The following CDHR5 variants were observed in gnomAD, a reference collection of about 807,000 sequenced individuals.
CDHR5 encodes the protein cadherin-related family member 5.
A neutral mutation model predicts 69.5 loss-of-function variants in CDHR5; 82 were observed. The ratio of observed to expected loss-of-function variants is 1.18; its 90% CI spans 0.99 to 1.42. CDHR5 has a LOEUF of 1.42. CDHR5 is among the 40% of genes most tolerant of loss of function. The pLI, the probability that CDHR5 is intolerant of heterozygous loss-of-function variation, is 0.00. For synonymous variants in CDHR5, 601 were observed against 510.2 expected (o/e 1.18, Z -2.40); for missense variants, 1,293 against 1,168.9 (o/e 1.11, Z -1.55).
chr11:617,604 G>A lies in CDHR5; in HGVS notation c.2285C>T (p.Pro762Leu). The A allele has an allele frequency of 6.2e-7, 1 of 1,603,444 alleles. No homozygotes were observed. The highest frequency in any genetic ancestry group is 8.5e-7 in the Non-Finnish European group (1 of 1,175,354). Reference protein sequence around the residue: ...PASPGGAPEPPAAARAGGSPT... With the variant: ...PASPGGAPEPLAAARAGGSPT... ...GCTTCCGCCAGCTCGGGCCGCTGCG[G>A]GGGGCTCAGGGGCACCGCCTGGGGA... Residue 762 changes from proline (P) to leucine (L), a missense_variant, in exon 15 of 15, where the codon CCC becomes CTC. By Grantham distance (98) the Pro-to-Leu change is moderately conservative. Coordinates refer to ENST00000397542, the MANE Select transcript of CDHR5 (RefSeq NM_021924.5).
intron 3 of CDHR5, among the ~76,000 whole-genome samples, chr11:623,369 G>A (rs1203213987): frequency 6.6e-6 from 1 of 152,214 alleles, no homozygotes; most frequent in Non-Finnish European, 1.5e-5. Flanking sequence ...ACGTGCCGTG[G>A]TGCATGGAGG....
At chr11:620,591 A>C (rs1349788815) in intron 7 of CDHR5, among the ~76,000 whole-genome samples, 1 of 152,166 alleles carries the variant, frequency 6.6e-6, no homozygotes, top group African/African-American at 2.4e-5. Context: ...CTAATGAATG[A>C]GTCCAGTGGC....
In CDHR5 at chr11:621,399, G is replaced by T; in HGVS notation, c.564C>A (p.Asp188Glu). The change falls in exon 6 of 15, where the codon GAC becomes GAA. Residue 188 changes from aspartate to glutamate, a missense_variant. Coordinates refer to ENST00000397542, the MANE Select transcript of CDHR5 (RefSeq NM_021924.5). This position sits in a 1 kb window ranked among gnomAD's most constrained non-coding sequence, Gnocchi z 4.4. Reference sequence around the variant, plus strand: ...GCCGCTCGTAGAAGTCCAGGGGCCGGTCCAGCCTCAGGGCGGGACGGTTTA... The same window carrying T: ...GCCGCTCGTAGAAGTCCAGGGGCCGTTCCAGCCTCAGGGCGGGACGGTTTA... ...VSVNRPALRL[D>E]RPLDFYERPN... 6.2e-7 allele frequency: 1 copy of T among 1,612,968 alleles called. No individual in the cohort carries two copies. Among genetic ancestry groups the T allele is most frequent in the Non-Finnish European group, 8.5e-7 (1 of 1,179,982 alleles).
At chr11:620,189 G>T in intron 8 of CDHR5, 25 bp from the exon 9 acceptor site, 2 of 1,605,026 alleles carry the variant, frequency 1.2e-6, no homozygotes, top group Non-Finnish European at 1.7e-6. Flanking sequence ...GAAGTGCTCA[G>T]CCCCGGCCCC....
rs777596472 is a variant in CDHR5 at position 621,342 on chromosome 11, C to T, written c.618+3G>A. ...GGACTCGGGGCTGGGGTGACCTGCT[C>T]ACCCGCACCAGCAGCCAGAAGGTCA... On this transcript the variant is annotated splice_donor_region_variant and intron_variant, in intron 6 of 14. Coordinates refer to ENST00000397542, the MANE Select transcript of CDHR5 (RefSeq NM_021924.5). The surrounding 1 kb of genome is among the most constrained non-coding windows in gnomAD (Gnocchi z 4.4). 6 of 1,612,774 alleles carry T rather than the reference C, an allele frequency of 3.7e-6. No individual in the cohort carries two copies. Among genetic ancestry groups the T allele is most frequent in the African/African-American group, 1.3e-5 (1 of 74,938 alleles).
intron 13 of CDHR5, 95 bp from the exon 14 acceptor site, chr11:618,206 T>C: frequency 1.9e-6 from 2 of 1,075,470 alleles, no homozygotes; most frequent in Non-Finnish European, 1.4e-6. Flanking sequence ...ACACTTGGGT[T>C]CCACCCAGGC....
At chr11:622,922 A>G (rs1857504147) in intron 3 of CDHR5, among the ~76,000 whole-genome samples, 1 of 152,192 alleles carries the variant, frequency 6.6e-6, no homozygotes, top group Non-Finnish European at 1.5e-5. Flanking sequence ...CAGGGCCCAC[A>G]TTATGGACCT....
Position 621,242 on chromosome 11 carries a change from C to CTA in CDHR5, c.626_627insTA (p.Gly210ArgfsTer15). 1 of 1,599,400 alleles carries CTA rather than the reference C, an allele frequency of 6.3e-7. No individual in the cohort carries two copies. The highest frequency in any genetic ancestry group is 8.5e-7 in the Non-Finnish European group (1 of 1,171,250). ...TGTGGCTGGGTTCCACATTCTCCCC[C>CTA]GGAGTGTCCTGCAACAGACGGCTGT... On this transcript the variant is annotated frameshift_variant, in exon 7 of 15. Coordinates refer to ENST00000397542, the MANE Select transcript of CDHR5 (RefSeq NM_021924.5). LOFTEE classifies it high-confidence loss of function. This position sits in a 1 kb window ranked among gnomAD's most constrained non-coding sequence, Gnocchi z 4.4.
At position 621,960 on chromosome 11, in the gene CDHR5, CCCT is replaced by C; in HGVS notation, c.313-59_313-57del. 6.5e-6 allele frequency: 9 copies of C among 1,375,582 alleles called. No homozygotes were observed. The highest frequency in any genetic ancestry group is 9.2e-6 in the Non-Finnish European group (9 of 980,384). The allele number at this position is 1,375,582 out of a possible 1,614,324, so 85.2% of individuals were successfully genotyped here. A position where few individuals can be genotyped will look rare whatever the true frequency, so the allele number is the denominator to read the frequency against. On this transcript the variant is annotated intron_variant, in intron 3 of 14. Coordinates refer to ENST00000397542, the MANE Select transcript of CDHR5 (RefSeq NM_021924.5). The surrounding 1 kb of genome is among the most constrained non-coding windows in gnomAD (Gnocchi z 4.4). ...AGCCCCTCCCCGTTGTGAGGTGCAC[CCCT>C]CGACGGCTATCCGTCCCCACCGTGA... is the stretch of plus-strand genomic sequence containing the variant.
At chr11:622,434 T>G (rs1160964603) in intron 3 of CDHR5, among the ~76,000 whole-genome samples, 1 of 152,060 alleles carries the variant, frequency 6.6e-6, no homozygotes, top group East Asian at 1.9e-4. Flanking sequence ...TTTTTTTTTT[T>G]TTTTGGTTTT....
chr11:623,223 C>T (rs1271322973), intron 3 of CDHR5, among the ~76,000 whole-genome samples: 4 of 152,144 alleles, frequency 2.6e-5, no homozygotes, highest in East Asian at 1.9e-4. Flanking sequence ...GCAGGAGAAT[C>T]GCTTGGACCC....
Position 617,128 on chromosome 11 carries a change from G to A in CDHR5, c.*223C>T, listed in dbSNP as rs533152082. On this transcript the variant is annotated 3_prime_UTR_variant, in exon 15 of 15. Transcript: ENST00000397542. ...GTTTACGGGAAGTGCTGCAGCCTTG[G>A]GGTGGGGACAGCGTGGCCAGACCCA... The A allele has an allele frequency of 1.8e-6, 1 of 571,068 alleles. No individual in the cohort carries two copies. The highest frequency in any genetic ancestry group is 2.9e-5 in the East Asian group (1 of 34,106). 35.4% of individuals were successfully genotyped at this position (571,068 alleles called of 1,614,324 possible). A position where few individuals can be genotyped will look rare whatever the true frequency, so the allele number is the denominator to read the frequency against.
chr11:621,398 G>A lies in CDHR5; in HGVS notation c.565C>T (p.Arg189Trp), dbSNP rs141049065. Residue 189 changes from arginine to tryptophan, a missense_variant, in exon 6 of 15, where the codon CGG becomes TGG. Physicochemically the swap from Arg to Trp is moderately radical, Grantham distance 101. Transcript: ENST00000397542. The surrounding 1 kb of genome is among the most constrained non-coding windows in gnomAD (Gnocchi z 4.4). ...SVNRPALRLD[R>W]PLDFYERPNM... ...GGCCGCTCGTAGAAGTCCAGGGGCC[G>A]GTCCAGCCTCAGGGCGGGACGGTTT... The A allele has an allele frequency of 8.2e-5, 133 of 1,612,780 alleles. No homozygotes were observed. Among genetic ancestry groups the A allele is most frequent in the Non-Finnish European group, 1.1e-4 (124 of 1,179,978 alleles).
chr11:619,321 C>A lies in CDHR5; in HGVS notation c.1363G>T (p.Glu455Ter). The change falls in exon 12 of 15, where the codon GAG becomes TAG. Residue 455 changes from glutamate (E) to a stop codon, truncating the protein, a stop_gained. Transcript: ENST00000397542. LOFTEE classifies it high-confidence loss of function. The stretch of plus-strand genomic sequence containing the variant: ...GGGGGCTTACCTGTGGAGGGGGGCT[C>A]CTGTTCGGAAACTTGTATCTCAATG... ...TVIEIQVSEQ[E>*]PPSTDVPPSP... 1 of 1,612,268 alleles carries A rather than the reference C, an allele frequency of 6.2e-7. No individual in the cohort carries two copies. The highest frequency in any genetic ancestry group is 2.2e-5 in the East Asian group (1 of 44,854).
rs371913447 is a variant in CDHR5 at position 617,506 on chromosome 11, C to T, written c.2383G>A (p.Glu795Lys). 93 of 1,612,728 alleles carry T rather than the reference C, an allele frequency of 5.8e-5. No homozygotes were observed. Among genetic ancestry groups the T allele is most frequent in the East Asian group, 2.5e-4 (11 of 44,876 alleles). The change falls in exon 15 of 15, where the codon GAG becomes AAG. Residue 795 changes from glutamate (E) to lysine (K), a missense_variant. Transcript: ENST00000397542. Reference sequence around the variant, plus strand: ...ACGTCTGCCTCCGTCCCGATGTCCTCGCCAAACCAGACAGCCTTGTACCCG... The same window carrying T: ...ACGTCTGCCTCCGTCCCGATGTCCTTGCCAAACCAGACAGCCTTGTACCCG... ...EGGYKAVWFG[E>K]DIGTEADVVV...
intron 10 of CDHR5, 26 bp downstream of exon 10, chr11:619,655 G>C (rs746410587): frequency 6.2e-7 from 1 of 1,611,560 alleles, no homozygotes; most frequent in South Asian, 1.1e-5. Flanking sequence ...CACCCACAGA[G>C]GGGAGGCCTT....
At position 621,516 on chromosome 11, in the gene CDHR5, G is replaced by A. The variant is rs550926142; in HGVS notation, c.507+46C>T. On this transcript the variant is annotated intron_variant, in intron 5 of 14. Coordinates refer to ENST00000397542, the MANE Select transcript of CDHR5 (RefSeq NM_021924.5). This position sits in a 1 kb window ranked among gnomAD's most constrained non-coding sequence, Gnocchi z 4.4. The stretch of plus-strand genomic sequence containing the variant: ...TTGGAGGGCGAGGGCGGCTGTGGGT[G>A]TCAGAGGCGAGGGGCTCGTGCTGGG... 1 of 1,591,240 alleles carries A rather than the reference G, an allele frequency of 6.3e-7. No individual in the cohort carries two copies. Among genetic ancestry groups the A allele is most frequent in the Admixed American group, 1.7e-5 (1 of 59,994 alleles).
chr11:617,797 G>A (rs982877206), intron 14 of CDHR5, 27 bp from the exon 15 acceptor site: 34 of 1,448,724 alleles, frequency 2.3e-5, no homozygotes, highest in Admixed American at 8.1e-5. Context: ...AGGCGTCAGC[G>A]GGGTCCCTGG....
Position 618,644 on chromosome 11 carries a change from C to T in CDHR5, c.1915G>A (p.Gly639Arg). The T allele has an allele frequency of 6.2e-7, 1 of 1,612,634 alleles. No individual in the cohort carries two copies. Among genetic ancestry groups the T allele is most frequent in the Non-Finnish European group, 8.5e-7 (1 of 1,178,926 alleles). The change falls in exon 13 of 15, where the codon GGA becomes AGA. Residue 639 changes from glycine (G) to arginine (R), a missense_variant. Transcript: ENST00000397542. Reference sequence around the variant, plus strand: ...CTGAGGGGCATCGGCTGAGAGGTTCCTGGCTCTGGGGTCTGTGCTGTGCCC... The same window carrying T: ...CTGAGGGGCATCGGCTGAGAGGTTCTTGGCTCTGGGGTCTGTGCTGTGCCC... ...GGGTAQTPEP[G>R]TSQPMPLSKS...
Sources: gnomAD v4.1 joint callset for allele counts (sites outside exome capture counted in the v4.1 genomes callset) on GRCh38, gnomAD v4.1.1 for gene constraint, Gnocchi (gnomAD v3.1) non-coding constraint, MANE v1.5 for transcripts, NCBI Gene and HGNC (gene_info 2026-07-23, HGNC 2026-07-21) for gene names.